The following EVL variants were observed in gnomAD, a reference collection of about 807,000 sequenced individuals.
EVL encodes the protein Enah/Vasp-like.
EVL carries 21 observed loss-of-function variants against 59.6 expected under a neutral mutation model. The ratio of observed to expected loss-of-function variants is 0.35; its 90% confidence interval spans 0.25 to 0.51. The LOEUF (loss-of-function observed/expected upper bound fraction) is 0.51. EVL is among the 20% of genes least tolerant of loss of function. The pLI is 0.97. For missense variants in EVL, 462 were observed against 546.6 expected (o/e 0.85, Z 1.54); for synonymous variants, 198 against 203.5 (o/e 0.97, Z 0.23).
chr14:100,066,358 C>A (rs2061930353), intron 1 of EVL: 1 of 152,142 alleles, frequency 6.6e-6, no homozygotes, highest in South Asian at 2.1e-4. Flanking sequence ...CTGAGAAAAC[C>A]TCTGAAAAGT....
chr14:100,134,097 C>T (rs1464611514), intron 8 of EVL, among the ~76,000 whole-genome samples: 3 of 152,238 alleles, frequency 2.0e-5, no homozygotes, highest in Non-Finnish European at 2.9e-5. Flanking sequence ...ATCTTAGGCC[C>T]TTGGAGGGCG....
At chr14:100,126,568 G>C (rs1673322818) in intron 4 of EVL, 139 bp from the exon 5 acceptor site, 1 of 805,264 alleles carries the variant, frequency 1.2e-6, no homozygotes, top group African/African-American at 1.7e-5. Context: ...AGTGGAGGCA[G>C]CCGTGGCACA....
intron 1 of EVL, among the ~76,000 whole-genome samples, chr14:100,082,498 G>A (rs980573600): frequency 6.6e-6 from 1 of 152,156 alleles, no homozygotes; most frequent in Non-Finnish European, 1.5e-5. Context: ...GAAGCGAGTG[G>A]CATGTCACTC....
At chr14:100,056,399 AT>A (rs2061733944) in intron 1 of EVL, among the ~76,000 whole-genome samples, 1 of 151,928 alleles carries the variant, frequency 6.6e-6, no homozygotes, top group African/African-American at 2.4e-5. Flanking sequence ...TAAAAAAAAA[AT>A]TGCTTGGTTG....
At chr14:100,088,753 C>G (rs2062501035) in intron 2 of EVL, among the ~76,000 whole-genome samples, 2 of 152,154 alleles carry the variant, frequency 1.3e-5, no homozygotes, top group South Asian at 2.1e-4. Flanking sequence ...GAAAGGCACT[C>G]CTACACTCCC....
At chr14:100,018,214 G>A (rs926297538) in intron 1 of EVL, among the ~76,000 whole-genome samples, 1 of 152,200 alleles carries the variant, frequency 6.6e-6, no homozygotes, top group Non-Finnish European at 1.5e-5. Flanking sequence ...CTGCCCTGTG[G>A]GAATCTCAGC....
intron 3 of EVL, among the ~76,000 whole-genome samples, chr14:100,101,341 C>A (rs1007853197): frequency 6.6e-6 from 1 of 152,170 alleles, no homozygotes; most frequent in Non-Finnish European, 1.5e-5. Flanking sequence ...TAAAATTAGG[C>A]ATGATGGTGC....
chr14:99,993,294 G>C lies in EVL; in HGVS notation c.5+21237G>C, dbSNP rs58860164. On this transcript the variant is annotated intron_variant, in intron 1 of 13. Transcript: ENST00000402714. ...AAAATGGTCTCAATCTCCTGACCTC[G>C]TGATCTGCCCACCTTGGCCTCCCAA... Among the ~76,000 whole-genome samples the C allele has an allele frequency of 0.012, 1,753 of 152,076 alleles. 82 individuals carry two copies. The East Asian group carries it at 0.16, about 14-fold the overall frequency.
chr14:100,068,000 G>A (rs1450626490), intron 1 of EVL, among the ~76,000 whole-genome samples: 3 of 152,158 alleles, frequency 2.0e-5, no homozygotes, highest in South Asian at 2.1e-4. Context: ...GTCACCCAGC[G>A]GCTGCTCTGG....
intron 1 of EVL, among the ~76,000 whole-genome samples, chr14:99,984,576 T>G (rs1417212558): frequency 6.6e-6 from 1 of 152,224 alleles, no homozygotes; most frequent in Non-Finnish European, 1.5e-5. Context: ...CTCCTGTTAA[T>G]TAACATCTTA....
At chr14:99,971,719 G>C (rs1566958973) in exon 1 of EVL, 1 of 147,468 alleles carries the variant, frequency 6.8e-6, no homozygotes, top group African/African-American at 2.5e-5. Flanking sequence ...CCGCCGCCCG[G>C]ACCCCAGCCG....
intron 1 of EVL, among the ~76,000 whole-genome samples, chr14:100,080,437 G>C (rs915664999): frequency 6.6e-6 from 1 of 152,168 alleles, no homozygotes; most frequent in Admixed American, 6.5e-5. Flanking sequence ...AGAGCTCAGC[G>C]AGTACTCAGC....
intron 2 of EVL, among the ~76,000 whole-genome samples, chr14:100,088,589 A>G (rs3783329): frequency 0.39 from 59,094 of 152,094 alleles, 14,715 homozygotes; most frequent in African/African-American, 0.71. Context: ...ATTTGTGTGT[A>G]TAAATATACG....
In EVL at chr14:100,114,168, G is replaced by GC. The variant is rs1218331571; in HGVS notation, c.359-9369dup. Among the ~76,000 whole-genome samples, 2 of 94,248 alleles carry GC rather than the reference G, an allele frequency of 2.1e-5. No homozygotes were observed. The highest frequency in any genetic ancestry group is 5.3e-5 in the Non-Finnish European group (2 of 37,744). The allele number at this position is 94,248 out of a possible 152,430, so 61.8% of individuals were successfully genotyped here. On this transcript the variant is annotated intron_variant, in intron 3 of 13. Transcript: ENST00000392920. The surrounding 1 kb of genome is among the most constrained non-coding windows in gnomAD (Gnocchi z 5.0). ...CCAGCAAGGAGCGAAGCGAAGGAGG[G>GC]CCGGGGGGGAATCAAATGAGCCTTA...
intron 1 of EVL, among the ~76,000 whole-genome samples, chr14:100,012,199 C>T (rs1595561820): frequency 6.6e-6 from 1 of 152,252 alleles, no homozygotes; most frequent in Middle Eastern, 3.4e-3. Context: ...AAATCCTATA[C>T]CCCAGCTTCA....
At chr14:100,082,867 G>A (rs764343225) in intron 1 of EVL, among the ~76,000 whole-genome samples, 22 of 152,182 alleles carry the variant, frequency 1.4e-4, no homozygotes, top group Non-Finnish European at 2.8e-4. Flanking sequence ...GTCCTGTGTT[G>A]GGCAGGAATG....
At chr14:99,977,109 A>G (rs1375369349) in intron 1 of EVL, 1 of 152,248 alleles carries the variant, frequency 6.6e-6, no homozygotes, top group African/African-American at 2.4e-5. Context: ...GAAGCTGTAG[A>G]GAACAGTGAC....
intron 1 of EVL, among the ~76,000 whole-genome samples, chr14:100,037,487 C>T (rs2061405774): frequency 6.6e-6 from 1 of 152,126 alleles, no homozygotes; most frequent in South Asian, 2.1e-4. Context: ...CTTCTCATGC[C>T]CTTTTGTTAA....
At chr14:100,121,090 C>T (rs571909357) in intron 3 of EVL, among the ~76,000 whole-genome samples, 8 of 152,294 alleles carry the variant, frequency 5.3e-5, no homozygotes, top group Admixed American at 2.6e-4. Context: ...CCACATCCTC[C>T]GCCTTGGCTT....
Sources: gnomAD v4.1 joint callset for allele counts (sites outside exome capture counted in the v4.1 genomes callset) on GRCh38, gnomAD v4.1.1 for gene constraint, Gnocchi (gnomAD v3.1) non-coding constraint, MANE v1.5 for transcripts, NCBI Gene and HGNC (gene_info 2026-07-23, HGNC 2026-07-21) for gene names.